ANK3: variants seen among roughly 807,000 people sequenced by gnomAD.
The protein encoded by ANK3 is ankyrin 3, also known as ankyrin-3.
In ANK3, 57 loss-of-function variants were observed where a neutral mutation model predicts 370.9. That is an observed-to-expected ratio of 0.15 (90% confidence interval 0.12 to 0.19). The LOEUF (loss-of-function observed/expected upper bound fraction) is 0.19, where lower values mean the gene tolerates loss of function less well. Among genes scored for constraint, ANK3 ranks in the 10% least tolerant of loss-of-function variants. ANK3 has a pLI of 1.00. For synonymous variants in ANK3, 1,929 were observed against 1,946.3 expected (o/e 0.99, Z 0.23); for missense variants, 4,439 against 5,302.1 (o/e 0.84, Z 5.06).
At chr10:60,328,832 A>C (rs1052923287) in intron 1 of ANK3, among the ~76,000 whole-genome samples, 2 of 152,230 alleles carry the variant, frequency 1.3e-5, no homozygotes, top group African/African-American at 4.8e-5. Flanking sequence ...AACAACAAAA[A>C]AAGAAAATTT....
intron 1 of ANK3, among the ~76,000 whole-genome samples, chr10:60,301,083 G>A (rs547483866): frequency 2.7e-5 from 4 of 148,952 alleles, no homozygotes; most frequent in East Asian, 4.0e-4. Context: ...GTGTATAACC[G>A]GGTGGGAGAA....
At chr10:60,520,819 T>C (rs1180897340) in intron 2 of ANK3, among the ~76,000 whole-genome samples, 2 of 152,132 alleles carry the variant, frequency 1.3e-5, no homozygotes, top group African/African-American at 4.8e-5. Context: ...AAAGTGAAAA[T>C]CAAAAACAAT....
intron 1 of ANK3, among the ~76,000 whole-genome samples, chr10:60,316,530 T>G (rs1196753973): frequency 1.3e-5 from 2 of 152,258 alleles, no homozygotes; most frequent in East Asian, 3.9e-4. Flanking sequence ...CAAGGAATAA[T>G]TTAATATAAT....
chr10:60,612,135 C>T (rs935588967), intron 2 of ANK3, among the ~76,000 whole-genome samples: 1 of 152,046 alleles, frequency 6.6e-6, no homozygotes, highest in African/African-American at 2.4e-5. Context: ...CGCAGAGGCC[C>T]CAGACATTTT....
chr10:60,224,224 A>G (rs915963173), intron 8 of ANK3, among the ~76,000 whole-genome samples: 1 of 152,156 alleles, frequency 6.6e-6, no homozygotes, highest in African/African-American at 2.4e-5. Flanking sequence ...ATGAAATTGC[A>G]TGGGGTTAGT....
chr10:60,417,225 T>C (rs2063687318), intron 2 of ANK3, among the ~76,000 whole-genome samples: 1 of 152,172 alleles, frequency 6.6e-6, no homozygotes, highest in Middle Eastern at 3.2e-3. Context: ...TCCTTGATAT[T>C]AGACATAAAG....
intron 1 of ANK3, among the ~76,000 whole-genome samples, chr10:60,701,378 G>T (rs1257553034): frequency 6.6e-6 from 1 of 151,676 alleles, no homozygotes; most frequent in African/African-American, 2.4e-5. Flanking sequence ...CAACAATCTT[G>T]CTTTAGACAT....
At chr10:60,351,711 G>A (rs985861411) in intron 1 of ANK3, among the ~76,000 whole-genome samples, 33 of 152,228 alleles carry the variant, frequency 2.2e-4, no homozygotes, top group African/African-American at 7.2e-4. Flanking sequence ...AAACAATCAA[G>A]ACAAGTCACA....
intron 17 of ANK3, among the ~76,000 whole-genome samples, chr10:60,185,343 C>A (rs564704378): frequency 2.0e-5 from 3 of 152,092 alleles, no homozygotes; most frequent in Admixed American, 6.5e-5. Flanking sequence ...ATTAAAAAAA[C>A]GATTTTTTCT....
At chr10:60,630,344 TA>T (rs1467039247) in intron 1 of ANK3, among the ~76,000 whole-genome samples, 1 of 152,244 alleles carries the variant, frequency 6.6e-6, no homozygotes, top group Non-Finnish European at 1.5e-5. Flanking sequence ...ATGCATATTA[TA>T]AATTATTTGG....
chr10:60,322,708 A>G (rs1180661973), intron 1 of ANK3, among the ~76,000 whole-genome samples: 1 of 152,194 alleles, frequency 6.6e-6, no homozygotes, highest in Non-Finnish European at 1.5e-5. Flanking sequence ...AACAAAACAA[A>G]TGAACACTGC....
Position 60,101,498 on chromosome 10 carries a change from ATGAATGTTTGTTTTC to A in ANK3, c.3328+4392_3328+4406del, listed in dbSNP as rs372774867. Among the ~76,000 whole-genome samples, 282 of 151,772 alleles carry A rather than the reference ATGAATGTTTGTTTTC, an allele frequency of 1.9e-3. 2 individuals are homozygous for A. The highest frequency in any genetic ancestry group is 6.7e-3 in the African/African-American group (274 of 41,028). ...GCTGCGTTATAATTTGGTGGGGGGAATGAATGTTTGTTTTCTGTTTGCAGCATCTTTTTCTTGGCT... is the reference window on the plus strand; with the variant it reads ...GCTGCGTTATAATTTGGTGGGGGGAATGTTTGCAGCATCTTTTTCTTGGCT... On this transcript the variant is annotated intron_variant, in intron 28 of 43. Transcript: ENST00000280772.
intron 7 of ANK3, among the ~76,000 whole-genome samples, chr10:60,253,316 T>C (rs916898997): frequency 6.6e-6 from 1 of 152,136 alleles, no homozygotes; most frequent in African/African-American, 2.4e-5. Flanking sequence ...CATTAGTGAT[T>C]GATGATACAG....
intron 25 of ANK3, among the ~76,000 whole-genome samples, chr10:60,118,252 AACTT>A (rs2093240536): frequency 6.6e-6 from 1 of 152,240 alleles, no homozygotes; most frequent in Non-Finnish European, 1.5e-5. Flanking sequence ...TAAATTTAAA[AACTT>A]ACTCTGAATT....
intron 7 of ANK3, among the ~76,000 whole-genome samples, chr10:60,244,174 T>C (rs73269499): frequency 5.2e-4 from 79 of 152,314 alleles, no homozygotes; most frequent in African/African-American, 1.8e-3. Flanking sequence ...TGTCTGCAAC[T>C]GCCCAAAGTG....
intron 1 of ANK3, among the ~76,000 whole-genome samples, chr10:60,290,489 G>T (rs780235228): frequency 6.6e-6 from 1 of 152,040 alleles, no homozygotes; most frequent in South Asian, 2.1e-4. Flanking sequence ...TAGAGAGGGG[G>T]TTACTTAACC....
intron 2 of ANK3, among the ~76,000 whole-genome samples, chr10:60,512,131 C>T (rs563273087): frequency 2.0e-5 from 3 of 151,916 alleles, no homozygotes; most frequent in African/African-American, 7.2e-5. Flanking sequence ...GTGCAGACAC[C>T]AGTCTGGGTC....
chr10:60,343,048 C>G (rs550048132), intron 1 of ANK3, among the ~76,000 whole-genome samples: 36 of 152,126 alleles, frequency 2.4e-4, no homozygotes, highest in Admixed American at 7.9e-4. Flanking sequence ...GGCTGCAGAC[C>G]AAACACAGGC....
chr10:60,224,113 G>T (rs772154135), intron 8 of ANK3, among the ~76,000 whole-genome samples: 20 of 152,228 alleles, frequency 1.3e-4, no homozygotes, highest in Middle Eastern at 6.8e-3. Context: ...GCAATTTCGG[G>T]GGATTGAGGG....
Sources: allele counts gnomAD v4.1 joint callset (sites outside exome capture counted in the v4.1 genomes callset), GRCh38; gene constraint gnomAD v4.1.1; transcripts MANE v1.5; gene names NCBI Gene and HGNC (gene_info 2026-07-23, HGNC 2026-07-21).